The following EPRS1 variants were observed in gnomAD, a reference collection of about 807,000 sequenced individuals.
EPRS1 encodes the protein glutamyl-prolyl-tRNA synthetase 1, also known as bifunctional glutamate/proline--tRNA ligase.
A neutral mutation model predicts 188.3 loss-of-function variants in EPRS1; 107 were observed. The ratio of observed to expected loss-of-function variants is 0.57; its 90% CI spans 0.49 to 0.67. The LOEUF (loss-of-function observed/expected upper bound fraction) is 0.67, where lower values mean the gene tolerates loss of function less well. Ranked by LOEUF, EPRS1 falls within the 30% of genes least tolerant of loss-of-function variation. The probability of loss-of-function intolerance (pLI) is 0.00; values close to 1 mark genes in which losing one functional copy is unlikely to be tolerated. For missense variants in EPRS1, 1,577 were observed against 1,802.2 expected (o/e 0.88, Z 2.26); for synonymous variants, 596 against 593.1 (o/e 1.00, Z -0.07).
rs1661459427 is a variant in EPRS1, at chr1:220,005,955, C to A, written c.1950+151G>T. The stretch of plus-strand genomic sequence containing the variant: ...AAAGAGCTAGGATTACAGGCATGAG[C>A]CACCATGCTCGGCCAACTTACATCA... On this transcript the variant is annotated intron_variant, in intron 15 of 31. Coordinates refer to ENST00000366923, the MANE Select transcript of EPRS1 (RefSeq NM_004446.3). 1.8e-5 allele frequency: 8 copies of A among 439,416 alleles called. 1 individual carries two copies. In the South Asian group the frequency reaches 3.6e-4, roughly 20 times the overall value. The allele number at this position is 439,416 out of a possible 1,614,324, so 27.2% of individuals were successfully genotyped here.
intron 30 of EPRS1, among the ~76,000 whole-genome samples, chr1:219,971,045 T>C (rs1660655712): frequency 6.6e-6 from 1 of 152,120 alleles, no homozygotes; most frequent in Non-Finnish European, 1.5e-5. Context: ...CATAAATTCA[T>C]GCTCATTCTC....
intron 13 of EPRS1, among the ~76,000 whole-genome samples, chr1:220,008,836 T>C (rs1661547166): frequency 1.3e-5 from 2 of 152,074 alleles, no homozygotes; most frequent in African/African-American, 4.8e-5. Flanking sequence ...CCATAATGCC[T>C]GGTTAATTTT....
Position 220,027,702 on chromosome 1 carries a change from G to A in EPRS1, c.624-2444C>T, listed in dbSNP as rs1039187122. On this transcript the variant is annotated intron_variant, in intron 6 of 31. Transcript: ENST00000366923. ...TTATACATATAATAAAGGGCTGTAC[G>A]CCGGGTGCAGTGGCTCATGCCTGTA... 9.2e-5 allele frequency among the ~76,000 whole-genome samples: 14 copies of A among 151,708 alleles called. No individual in the cohort carries two copies. In the East Asian group the frequency reaches 1.7e-3, roughly 19 times the overall value.
chr1:219,984,912 T>A (rs1040362204), intron 20 of EPRS1, among the ~76,000 whole-genome samples: 6 of 151,938 alleles, frequency 3.9e-5, no homozygotes, highest in Admixed American at 3.9e-4. Flanking sequence ...TGGTGGCGCA[T>A]GCTTGTAATC....
rs764687668 is a variant in EPRS1, at chr1:220,024,476, T to C, written c.751-20A>G. On this transcript the variant is annotated intron_variant, in intron 7 of 31. Transcript: ENST00000366923. ...GATAACCTGTAGTAAGAAACCAAAA[T>C]AACCATCAGTATATCTTTTGCATTT... The C allele has an allele frequency of 1.5e-5, 23 of 1,557,732 alleles. No homozygotes were observed. The highest frequency in any genetic ancestry group is 1.9e-5 in the Non-Finnish European group (22 of 1,149,196).
rs199820717 is a variant in EPRS1, at chr1:219,979,630, G to C, written c.3712-15C>G. On this transcript the variant is annotated splice_polypyrimidine_tract_variant and intron_variant, in intron 26 of 31. Transcript: ENST00000366923. ...GATGTTCCTCCCTAAAATAGAGAGA[G>C]AAAAATAAGCTTCATTTTTAATAAC... The C allele has an allele frequency of 1.4e-4, 226 of 1,570,844 alleles. 1 individual carries two copies. In the African/African-American group the frequency reaches 2.7e-3, roughly 19 times the overall value.
chr1:220,022,237 G>C, intron 9 of EPRS1, 110 bp downstream of exon 9: 1 of 947,090 alleles, frequency 1.1e-6, no homozygotes. Flanking sequence ...TGAACCCATG[G>C]ATGAACAAAA....
At chr1:219,971,329 C>T (rs1660660145) in intron 30 of EPRS1, among the ~76,000 whole-genome samples, 1 of 152,124 alleles carries the variant, frequency 6.6e-6, no homozygotes, top group Admixed American at 6.5e-5. Context: ...GAAACAACTG[C>T]ATATACCCAA....
chr1:220,001,282 A>G, intron 16 of EPRS1, 27 bp from the exon 17 acceptor site: 1 of 1,378,102 alleles, frequency 7.3e-7, no homozygotes, highest in Non-Finnish European at 1.0e-6. Flanking sequence ...GGGACAAAAT[A>G]GTTTATTTGA....
chr1:219,984,149 A>G (rs1660957688), intron 21 of EPRS1, 57 bp downstream of exon 21: 2 of 1,232,748 alleles, frequency 1.6e-6, no homozygotes, highest in South Asian at 2.5e-5. Context: ...GAATCTGAAC[A>G]TAAAAAGCAG....
rs1662063252 is a variant in EPRS1, at chr1:220,030,459, C to T, written c.550G>A (p.Val184Ile). 2 of 1,614,100 alleles carry T rather than the reference C, an allele frequency of 1.2e-6. No individual in the cohort carries two copies. The change falls in exon 6 of 32, where the codon GTT (valine) becomes ATT (isoleucine). Residue 184 changes from valine (V) to isoleucine (I), a missense_variant. Val to Ile is a conservative substitution (Grantham distance 29). Transcript: ENST00000366923. ...ARVAPEKKQD[V>I]GKFVELPGAE... ...CCTGGAAGCTCAACAAATTTCCCAACATCTTGCTTTTTCTCAGGTGCCTGA... is the reference window on the plus strand; with the variant it reads ...CCTGGAAGCTCAACAAATTTCCCAATATCTTGCTTTTTCTCAGGTGCCTGA...
At chr1:219,985,610 G>C in intron 20 of EPRS1, among the ~76,000 whole-genome samples, 1 of 151,402 alleles carries the variant, frequency 6.6e-6, no homozygotes, top group South Asian at 2.1e-4. Context: ...TTGACATGTT[G>C]GCCAGGCTGG....
intron 22 of EPRS1, 96 bp downstream of exon 22, chr1:219,983,093 G>A (rs904779316): frequency 4.4e-5 from 44 of 999,754 alleles, no homozygotes; most frequent in Non-Finnish European, 6.4e-5. Flanking sequence ...AATAAAAATG[G>A]CTTTATATTT....
chr1:220,007,169 A>G (rs1661504532), intron 14 of EPRS1, 33 bp downstream of exon 14: 2 of 1,562,734 alleles, frequency 1.3e-6, no homozygotes, highest in African/African-American at 1.4e-5. Context: ...CTTTTCTCCT[A>G]TGTTTATTTG....
chr1:219,981,572 G>T, intron 23 of EPRS1, 115 bp from the exon 24 acceptor site: 2 of 518,496 alleles, frequency 3.9e-6, no homozygotes, highest in South Asian at 4.6e-5. Flanking sequence ...AAATAAATTT[G>T]AAAAATAAAA....
Position 219,987,262 on chromosome 1 carries a change from T to C in EPRS1, c.2918A>G (p.Glu973Gly). ...TTGTTTCTGAGGCTTATTCTGCTTT[T>C]CAGATTTATTTTCTTTTTCTTTCTT... ...KKKKEKENKS[E>G]KQNKPQKQND... is the part of the protein sequence containing the mutation. The change falls in exon 20 of 32, where the codon GAA (glutamate) becomes GGA (glycine). Residue 973 changes from glutamate to glycine, a missense_variant. Physicochemically the swap from Glu to Gly is moderately conservative, Grantham distance 98. Transcript: ENST00000366923. 4 of 1,614,126 alleles carry C rather than the reference T, an allele frequency of 2.5e-6. No individual in the cohort carries two copies. Among genetic ancestry groups the C allele is most frequent in the Non-Finnish European group, 3.4e-6 (4 of 1,180,012 alleles).
Position 220,006,305 on chromosome 1 carries a change from T to A in EPRS1, c.1751A>T (p.Asp584Val). 1 of 1,539,516 alleles carries A rather than the reference T, an allele frequency of 6.5e-7. No homozygotes were observed. Among genetic ancestry groups the A allele is most frequent in the Non-Finnish European group, 8.8e-7 (1 of 1,132,534 alleles). ...TGCATCAAGAGATATGATTTTTCCA[T>A]CTGCATTTCTAGATATAAGATTAAA... ...LNITKIHKNA[D>V]GKIISLDAKL... The change falls in exon 15 of 32, where the codon GAT becomes GTT. Residue 584 changes from aspartate (D) to valine (V), a missense_variant. By Grantham distance (152) the Asp-to-Val change is radical (BLOSUM62 -3). Coordinates refer to ENST00000366923, the MANE Select transcript of EPRS1 (RefSeq NM_004446.3).
Position 219,992,918 on chromosome 1 carries a change from C to CA in EPRS1, c.2541+4064dup, listed in dbSNP as rs201707484. The stretch of plus-strand genomic sequence containing the variant: ...TGGGTGACAGAGCAAGACTCCGTCT[C>CA]AAAAAAAAAATTCATTTACAAAGAA... On this transcript the variant is annotated intron_variant, in intron 18 of 31. Coordinates refer to ENST00000366923, the MANE Select transcript of EPRS1 (RefSeq NM_004446.3). 5.9e-3 allele frequency among the ~76,000 whole-genome samples: 880 copies of CA among 149,604 alleles called. 25 individuals carry two copies. The highest frequency in any genetic ancestry group is 0.037 in the Admixed American group (563 of 15,070).
chr1:220,004,832 G>GT lies in EPRS1; in HGVS notation c.2063+415dup, dbSNP rs1661428375. ...CTTCTAATAATCCTATTACTTCATG[G>GT]TTAAAAAAAAAAATACAAATACTGG... is the stretch of plus-strand genomic sequence containing the variant. On this transcript the variant is annotated intron_variant, in intron 16 of 31. Transcript: ENST00000366923. Among the ~76,000 whole-genome samples, 6 of 151,240 alleles carry GT rather than the reference G, an allele frequency of 4.0e-5. No homozygotes were observed. The South Asian group carries it at 1.3e-3, about 32-fold the overall frequency.
Sources: allele counts gnomAD v4.1 joint callset (sites outside exome capture counted in the v4.1 genomes callset), GRCh38; gene constraint gnomAD v4.1.1; transcripts MANE v1.5; gene names NCBI Gene and HGNC (gene_info 2026-07-23, HGNC 2026-07-21).